CACNA1C: variants seen among roughly 807,000 people sequenced by gnomAD.
CACNA1C encodes the protein voltage-dependent L-type calcium channel subunit alpha-1C.
In CACNA1C, 30 loss-of-function variants were observed where a neutral mutation model predicts 229.0. That is an observed-to-expected ratio of 0.13 (90% CI 0.10 to 0.18). The LOEUF is 0.18. CACNA1C is among the 10% of genes least tolerant of loss of function. The pLI is 1.00. For synonymous variants in CACNA1C, 1,114 were observed against 1,132.5 expected (o/e 0.98, Z 0.33); for missense variants, 1,658 against 2,845.0 (o/e 0.58, Z 9.49).
chr12:2,314,018 G>A (rs2095562245), intron 3 of CACNA1C, among the ~76,000 whole-genome samples: 1 of 152,186 alleles, frequency 6.6e-6, no homozygotes, highest in Non-Finnish European at 1.5e-5. Context: ...AGGGCACACG[G>A]CCTTTCCAGA....
chr12:2,481,586 C>T (rs2099675833), intron 5 of CACNA1C, among the ~76,000 whole-genome samples: 1 of 152,222 alleles, frequency 6.6e-6, no homozygotes, highest in Non-Finnish European at 1.5e-5. Context: ...CTTCCTGGTA[C>T]CTTGAGAGTC....
chr12:2,106,479 A>G (rs71454862), intron 1 of CACNA1C, among the ~76,000 whole-genome samples: 5 of 59,384 alleles, frequency 8.4e-5, no homozygotes, highest in Non-Finnish European at 9.9e-5. Context: ...AGCCACTGGG[A>G]GCCCACCCCG....
intron 1 of CACNA1C, among the ~76,000 whole-genome samples, chr12:2,074,360 A>T (rs2062413526): frequency 6.6e-6 from 1 of 152,202 alleles, no homozygotes; most frequent in African/African-American, 2.4e-5. Context: ...TTTTCAAAAC[A>T]TCTCATGCAT....
At chr12:2,308,256 AT>A (rs1245264146) in intron 3 of CACNA1C, among the ~76,000 whole-genome samples, 3 of 151,922 alleles carry the variant, frequency 2.0e-5, no homozygotes, top group African/African-American at 4.8e-5. Flanking sequence ...TCTTTTTAAA[AT>A]TTTTTTTGTT....
At chr12:2,014,659 A>G (rs1045795137) in intron 1 of CACNA1C, among the ~76,000 whole-genome samples, 1 of 152,230 alleles carries the variant, frequency 6.6e-6, no homozygotes, top group African/African-American at 2.4e-5. Context: ...GTTTCTTTAC[A>G]TGAATTGCCA....
At chr12:2,271,910 T>G (rs866499609) in intron 3 of CACNA1C, among the ~76,000 whole-genome samples, 1 of 152,082 alleles carries the variant, frequency 6.6e-6, no homozygotes, top group African/African-American at 2.4e-5. Context: ...AATGTTTAAG[T>G]GTGTCAAGTG....
At chr12:2,565,243 T>C (rs896163481) in intron 11 of CACNA1C, among the ~76,000 whole-genome samples, 89 of 146,868 alleles carry the variant, frequency 6.1e-4, no homozygotes, top group Admixed American at 1.8e-3. Context: ...CCGAGGCGGG[T>C]GGATCATGAG....
At chr12:2,005,098 A>G (rs1352345517) in intron 1 of CACNA1C, among the ~76,000 whole-genome samples, 1 of 151,950 alleles carries the variant, frequency 6.6e-6, no homozygotes, top group Non-Finnish European at 1.5e-5. Context: ...ACCAAACTGT[A>G]TTGCTAGTCA....
At chr12:2,522,449 A>C (rs1200960131) in intron 9 of CACNA1C, among the ~76,000 whole-genome samples, 4 of 152,234 alleles carry the variant, frequency 2.6e-5, no homozygotes, top group African/African-American at 9.6e-5. Context: ...AGTCTTAGCC[A>C]TGCTCATGGT....
chr12:2,676,005 T>C (rs1343640140), intron 39 of CACNA1C: 1 of 152,182 alleles, frequency 6.6e-6, no homozygotes, highest in Non-Finnish European at 1.5e-5. Context: ...CCATGTGATG[T>C]TTACATACAT....
chr12:2,072,442 C>T (rs1248509292), intron 1 of CACNA1C, among the ~76,000 whole-genome samples: 4 of 152,120 alleles, frequency 2.6e-5, no homozygotes, highest in Admixed American at 6.5e-5. Context: ...TCAGGCAATC[C>T]GCCCGCCTCG....
Position 2,661,270 on chromosome 12 carries a change from TACACACACATAC to T in CACNA1C, c.4233-3545_4233-3534del, listed in dbSNP as rs1255457345. 6.1e-3 allele frequency among the ~76,000 whole-genome samples: 805 copies of T among 131,232 alleles called. 5 individuals are homozygous for T. The highest frequency in any genetic ancestry group is 0.022 in the African/African-American group (680 of 31,168). 86.1% of individuals were successfully genotyped at this position (131,232 alleles called of 152,430 possible). On this transcript the variant is annotated intron_variant, in intron 34 of 46. Coordinates refer to ENST00000399655, the MANE Select transcript of CACNA1C (RefSeq NM_000719.7). ...AAGTGACATCCCATCTCTAAACACA[TACACACACATAC>T]ACACACACACACACACACACACACA...
At chr12:2,401,302 G>A (rs2098674007) in intron 3 of CACNA1C, among the ~76,000 whole-genome samples, 1 of 152,174 alleles carries the variant, frequency 6.6e-6, no homozygotes, top group African/African-American at 2.4e-5. Context: ...GAGTCTGTTG[G>A]GCAGCAGCCA....
intron 7 of CACNA1C, among the ~76,000 whole-genome samples, chr12:2,498,145 C>T (rs2099751079): frequency 6.6e-6 from 1 of 152,196 alleles, no homozygotes; most frequent in Non-Finnish European, 1.5e-5. Flanking sequence ...CCTTTCACTG[C>T]AGAATATAGA....
chr12:2,458,370 AGCCTGGCCCATTATGG>A (rs984354906), intron 5 of CACNA1C, among the ~76,000 whole-genome samples: 57 of 152,196 alleles, frequency 3.7e-4, no homozygotes, highest in African/African-American at 1.2e-3. Flanking sequence ...CTTCTCCAGA[AGCCTGGCCCATTATGG>A]GTGCACCCCA....
In CACNA1C at chr12:2,504,659, A is replaced by G; in HGVS notation, c.1114-183A>G. 1 of 776,156 alleles carries G rather than the reference A, an allele frequency of 1.3e-6. No individual in the cohort carries two copies. 48.1% of individuals were successfully genotyped at this position (776,156 alleles called of 1,614,324 possible). ...CTGACAGGCCCAGGAAAACCACAAC[A>G]AAGCCTCTGTTCAACCACAGATTCT... On this transcript the variant is annotated intron_variant, in intron 7 of 46. Coordinates refer to ENST00000399655, the MANE Select transcript of CACNA1C (RefSeq NM_000719.7). The surrounding 1 kb of genome is among the most constrained non-coding windows in gnomAD (Gnocchi z 6.8).
At position 2,277,694 on chromosome 12, in the gene CACNA1C, C is replaced by T. The variant is rs141522278; in HGVS notation, c.477+157264C>T. Among the ~76,000 whole-genome samples the T allele has an allele frequency of 2.1e-4, 32 of 152,278 alleles. No homozygotes were observed. In the East Asian group the frequency reaches 5.2e-3, roughly 25 times the overall value. On this transcript the variant is annotated intron_variant, in intron 3 of 46. Coordinates refer to ENST00000399655, the MANE Select transcript of CACNA1C (RefSeq NM_000719.7). ...CTCTGAGTCTCAGCCAGGCAACATC[C>T]GAAGGAGCTGAGGAAGCCTTCTCTC...
In CACNA1C at chr12:2,053,635, G is replaced by C. The variant is rs1176067986; in HGVS notation, c.49+24G>C. ...AGGTAAGGCTGGACCCCGCCGCCTC[G>C]CCGGGGCTCCCTGCCTTTTCCACCG... On this transcript the variant is annotated intron_variant, in intron 1 of 46. Transcript: ENST00000399655. The surrounding 1 kb of genome is among the most constrained non-coding windows in gnomAD (Gnocchi z 5.8). 1.9e-6 allele frequency: 3 copies of C among 1,570,886 alleles called. No homozygotes were observed. In the South Asian group the frequency reaches 3.5e-5, roughly 19 times the overall value.
chr12:2,299,364 G>A (rs2094372183), intron 3 of CACNA1C, among the ~76,000 whole-genome samples: 1 of 152,120 alleles, frequency 6.6e-6, no homozygotes, highest in Non-Finnish European at 1.5e-5. Flanking sequence ...AACGTTTTCC[G>A]GTGTATGTGG....
Sources: allele counts gnomAD v4.1 joint callset (sites outside exome capture counted in the v4.1 genomes callset), GRCh38; gene constraint gnomAD v4.1.1; non-coding constraint Gnocchi (gnomAD v3.1); transcripts MANE v1.5; gene names NCBI Gene and HGNC (gene_info 2026-07-23, HGNC 2026-07-21).